Variants in HPSE2 observed in about 807,000 individuals in gnomAD.
HPSE2 encodes inactive heparanase-2.
HPSE2 carries 38 observed loss-of-function variants against 60.5 expected under a neutral mutation model. The ratio of observed to expected loss-of-function variants is 0.63; its 90% CI spans 0.48 to 0.82. HPSE2 has a LOEUF of 0.82. HPSE2 is among the 40% of genes least tolerant of loss of function. The pLI is 0.00. For missense variants in HPSE2, 713 were observed against 740.4 expected (o/e 0.96, Z 0.43); for synonymous variants, 295 against 293.2 (o/e 1.01, Z -0.06).
intron 9 of HPSE2, among the ~76,000 whole-genome samples, chr10:98,514,465 G>A (rs1942523908): frequency 6.6e-6 from 1 of 152,004 alleles, no homozygotes; most frequent in Admixed American, 6.6e-5. Context: ...AAAGAAAAAA[G>A]GAATGAATTT....
intron 9 of HPSE2, among the ~76,000 whole-genome samples, chr10:98,537,670 G>A (rs932335725): frequency 6.6e-6 from 1 of 152,140 alleles, no homozygotes. Context: ...TTGGTCAAGC[G>A]GTAACGCCAG....
the HPSE2 span, among the ~76,000 whole-genome samples, chr10:99,256,135 A>G: frequency 6.6e-6 from 1 of 151,510 alleles, no homozygotes; most frequent in African/African-American, 2.4e-5. Context: ...ACCTCCCAAC[A>G]GGCCCTTCCT....
At chr10:98,534,172 C>T (rs987685351) in intron 9 of HPSE2, among the ~76,000 whole-genome samples, 1 of 152,230 alleles carries the variant, frequency 6.6e-6, no homozygotes, top group Non-Finnish European at 1.5e-5. Context: ...CTGACAACTA[C>T]TATCTGTTTT....
chr10:98,611,153 T>C (rs1205481068), intron 9 of HPSE2, among the ~76,000 whole-genome samples: 1 of 152,058 alleles, frequency 6.6e-6, no homozygotes, highest in African/African-American at 2.4e-5. Context: ...CTAAATATTC[T>C]CCTCCCAGGA....
chr10:98,535,558 C>G (rs2133810588), intron 9 of HPSE2, among the ~76,000 whole-genome samples: 1 of 152,224 alleles, frequency 6.6e-6, no homozygotes, highest in African/African-American at 2.4e-5. Flanking sequence ...AGGCAGTATA[C>G]TCTGGTGGAC....
chr10:99,245,464 G>A, the HPSE2 span, among the ~76,000 whole-genome samples: 52 of 152,236 alleles, frequency 3.4e-4, no homozygotes, highest in African/African-American at 1.2e-3. Flanking sequence ...ACCTAATTTA[G>A]AAAGTGAAAG....
At chr10:99,250,236 T>C in the HPSE2 span, among the ~76,000 whole-genome samples, 1 of 152,058 alleles carries the variant, frequency 6.6e-6, no homozygotes, top group East Asian at 1.9e-4. Flanking sequence ...CCTTCTGCCA[T>C]AATTGAAAAT....
chr10:99,232,476 C>T lies in HPSE2; in HGVS notation c.320G>A (p.Gly107Glu). 17 of 1,556,284 alleles carry T rather than the reference C, an allele frequency of 1.1e-5. No homozygotes were observed. The highest frequency in any genetic ancestry group is 1.5e-5 in the Non-Finnish European group (17 of 1,150,140). The change falls in exon 2 of 12, where the codon GGA becomes GAA. Residue 107 changes from glycine to glutamate, a missense_variant. Coordinates refer to ENST00000370552, the MANE Select transcript of HPSE2 (RefSeq NM_021828.5). ...GAAGCGCAGAAAGGCGGGCGAAAGT[C>T]CCCGGGCCAGGGTCACCAAGCGCTT... is the stretch of plus-strand genomic sequence containing the variant. The part of the protein sequence containing the change: ...SSKRLVTLAR[G>E]LSPAFLRFGG...
chr10:99,058,600 A>G (rs1193147791), intron 3 of HPSE2, among the ~76,000 whole-genome samples: 2 of 152,168 alleles, frequency 1.3e-5, no homozygotes, highest in African/African-American at 4.8e-5. Flanking sequence ...CCAAATGGAG[A>G]GCCTACATAC....
chr10:99,267,761 CAG>C, the HPSE2 span, among the ~76,000 whole-genome samples: 3 of 139,438 alleles, frequency 2.2e-5, no homozygotes, highest in Admixed American at 2.3e-4. Context: ...GCCTGGGCAA[CAG>C]AGCGAGACTC....
At chr10:98,670,704 A>G (rs1002572017) in intron 6 of HPSE2, among the ~76,000 whole-genome samples, 1 of 152,232 alleles carries the variant, frequency 6.6e-6, no homozygotes, top group Non-Finnish European at 1.5e-5. Flanking sequence ...AACCGATGTT[A>G]TTCATAGATT....
chr10:98,954,332 A>G (rs1316660497), intron 3 of HPSE2, among the ~76,000 whole-genome samples: 1 of 152,088 alleles, frequency 6.6e-6, no homozygotes, highest in Non-Finnish European at 1.5e-5. Flanking sequence ...AGGAAAAAAA[A>G]AGAGCACTAA....
At chr10:98,996,488 C>A (rs1365096611) in intron 3 of HPSE2, among the ~76,000 whole-genome samples, 1 of 152,064 alleles carries the variant, frequency 6.6e-6, no homozygotes, top group Non-Finnish European at 1.5e-5. Context: ...AAATTCTGCT[C>A]CTAGATATTT....
intron 3 of HPSE2, chr10:99,048,107 C>CGTGCTTATG (rs1957901825): frequency 1.1e-6 from 1 of 935,890 alleles, no homozygotes; most frequent in African/African-American, 1.6e-5. Context: ...AATCTACAAG[C>CGTGCTTATG]GTGCTTATGG....
chr10:99,000,526 C>G (rs1017028557), intron 3 of HPSE2, among the ~76,000 whole-genome samples: 1 of 152,064 alleles, frequency 6.6e-6, no homozygotes, highest in Non-Finnish European at 1.5e-5. Flanking sequence ...AAAGCATACA[C>G]TCAGAGGTGC....
At chr10:98,966,919 AG>A (rs1307077221) in intron 3 of HPSE2, among the ~76,000 whole-genome samples, 1 of 152,194 alleles carries the variant, frequency 6.6e-6, no homozygotes, top group African/African-American at 2.4e-5. Flanking sequence ...TATATCAAAA[AG>A]ATTTTTTAAT....
At chr10:98,869,544 G>T (rs1294267211) in intron 3 of HPSE2, among the ~76,000 whole-genome samples, 2 of 152,048 alleles carry the variant, frequency 1.3e-5, no homozygotes, top group Admixed American at 6.6e-5. Context: ...TTGTAATTAA[G>T]AATTGGTTTT....
chr10:98,480,082 C>T lies in HPSE2; in HGVS notation c.1613+2554G>A, dbSNP rs371935773. ...AGAATGAAATTCTCTTTGTCCTTGTCCCTCTCCTACATTTTTTTTTTTTTG... is the reference window on the plus strand; with the variant it reads ...AGAATGAAATTCTCTTTGTCCTTGTTCCTCTCCTACATTTTTTTTTTTTTG... On this transcript the variant is annotated intron_variant, in intron 11 of 11. Coordinates refer to ENST00000370552, the MANE Select transcript of HPSE2 (RefSeq NM_021828.5). Among the ~76,000 whole-genome samples, 5 of 142,676 alleles carry T rather than the reference C, an allele frequency of 3.5e-5. No homozygotes were observed. The South Asian group carries it at 1.1e-3, about 31-fold the overall frequency. The allele number at this position is 142,676 out of a possible 152,430, so 93.6% of individuals were successfully genotyped here. A position where few individuals can be genotyped will look rare whatever the true frequency, so the allele number is the denominator to read the frequency against.
rs76922317 is a variant in HPSE2, at chr10:98,791,131, T to C, written c.611-47075A>G. 8.1e-3 allele frequency among the ~76,000 whole-genome samples: 1,240 copies of C among 152,360 alleles called. 23 individuals are homozygous for C. The highest frequency in any genetic ancestry group is 0.029 in the African/African-American group (1,188 of 41,590). Reference sequence around the variant, plus strand: ...AGACTATCTTATGTTTCACAACTTATAGCATTGTGTTTCATGTTATATCAT... The same window carrying C: ...AGACTATCTTATGTTTCACAACTTACAGCATTGTGTTTCATGTTATATCAT... On this transcript the variant is annotated intron_variant, in intron 3 of 11. Coordinates refer to ENST00000370552, the MANE Select transcript of HPSE2 (RefSeq NM_021828.5).
Sources: gnomAD v4.1 joint callset for allele counts (sites outside exome capture counted in the v4.1 genomes callset) on GRCh38, gnomAD v4.1.1 for gene constraint, MANE v1.5 for transcripts, NCBI Gene and HGNC (gene_info 2026-07-23, HGNC 2026-07-21) for gene names.